OCA2: variants seen among roughly 807,000 people sequenced by gnomAD.
OCA2 encodes the protein OCA2 melanosomal transmembrane protein.
In OCA2, 77 loss-of-function variants were observed where a neutral mutation model predicts 100.2. The observed-to-expected ratio is 0.77, with a 90% CI of 0.64 to 0.93. The LOEUF (loss-of-function observed/expected upper bound fraction) is 0.93, where lower values mean the gene tolerates loss of function less well. OCA2 is among the 40% of genes least tolerant of loss of function. OCA2 has a pLI of 0.00. For synonymous variants in OCA2, 432 were observed against 439.2 expected (o/e 0.98, Z 0.21); for missense variants, 1,062 against 1,089.1 (o/e 0.98, Z 0.35).
chr15:27,813,990 A>G (rs1485529312), intron 23 of OCA2, among the ~76,000 whole-genome samples: 1 of 152,254 alleles, frequency 6.6e-6, no homozygotes, highest in Non-Finnish European at 1.5e-5. Flanking sequence ...AAGATCAAAC[A>G]GGGTAATTGG....
intron 23 of OCA2, among the ~76,000 whole-genome samples, chr15:27,779,136 T>C (rs1286937715): frequency 6.6e-6 from 1 of 152,252 alleles, no homozygotes; most frequent in Admixed American, 6.5e-5. Context: ...GAAAAGATCC[T>C]TGGTATGATT....
At chr15:27,858,557 A>G (rs1294671282) in intron 21 of OCA2, among the ~76,000 whole-genome samples, 1 of 152,154 alleles carries the variant, frequency 6.6e-6, no homozygotes, top group Non-Finnish European at 1.5e-5. Context: ...AGGTGGGTAC[A>G]TTATTGTCAG....
chr15:27,934,319 C>T (rs1251384835), intron 18 of OCA2, among the ~76,000 whole-genome samples: 2 of 152,102 alleles, frequency 1.3e-5, no homozygotes, highest in Non-Finnish European at 1.5e-5. Flanking sequence ...GGCCTAATTT[C>T]TACTTATGTT....
At chr15:27,954,716 A>C (rs2040159766) in intron 17 of OCA2, among the ~76,000 whole-genome samples, 1 of 151,710 alleles carries the variant, frequency 6.6e-6, no homozygotes, top group African/African-American at 2.4e-5. Context: ...ACAAAACAAA[A>C]GAAAACAAGC....
chr15:27,961,560 C>A (rs1272715189), intron 15 of OCA2, among the ~76,000 whole-genome samples: 1 of 152,190 alleles, frequency 6.6e-6, no homozygotes, highest in Non-Finnish European at 1.5e-5. Flanking sequence ...AAATGCCCAT[C>A]AATGACAGAC....
intron 14 of OCA2, among the ~76,000 whole-genome samples, chr15:27,980,845 T>C (rs957002141): frequency 5.9e-5 from 9 of 152,230 alleles, no homozygotes; most frequent in African/African-American, 2.2e-4. Context: ...TTATGATGTG[T>C]CTTACTGTAG....
intron 15 of OCA2, among the ~76,000 whole-genome samples, chr15:27,965,737 G>A (rs978149037): frequency 1.3e-5 from 2 of 152,192 alleles, no homozygotes; most frequent in Admixed American, 6.5e-5. Flanking sequence ...AGCTCTGGTC[G>A]CCTGATGCCC....
intron 23 of OCA2, among the ~76,000 whole-genome samples, chr15:27,777,793 G>A (rs1378113306): frequency 6.6e-6 from 1 of 152,186 alleles, no homozygotes; most frequent in African/African-American, 2.4e-5. Context: ...CTGGAGGGTA[G>A]GATGCTGCAC....
chr15:28,028,123 C>G lies in OCA2; in HGVS notation c.327-64G>C, dbSNP rs921725693. The G allele has an allele frequency of 8.9e-6, 14 of 1,575,556 alleles. No homozygotes were observed. The African/African-American group carries it at 1.8e-4, about 20-fold the overall frequency. On this transcript the variant is annotated intron_variant, in intron 3 of 23. Transcript: ENST00000354638. ...AGTAATGGCTACAAAGCAAGCTTTCCTCTGAGTTCTGACTGTGTGAAATGG... is the reference window on the plus strand; with the variant it reads ...AGTAATGGCTACAAAGCAAGCTTTCGTCTGAGTTCTGACTGTGTGAAATGG...
intron 2 of OCA2, among the ~76,000 whole-genome samples, chr15:28,054,191 T>C (rs1193261179): frequency 2.6e-5 from 4 of 151,988 alleles, no homozygotes; most frequent in Non-Finnish European, 4.4e-5. Context: ...TATGGGTATG[T>C]GTGCACACAT....
intron 2 of OCA2, among the ~76,000 whole-genome samples, chr15:28,037,387 T>C (rs2043076620): frequency 6.6e-6 from 1 of 152,052 alleles, no homozygotes; most frequent in Non-Finnish European, 1.5e-5. Context: ...AATGAGGCCT[T>C]CTCTGTAACA....
chr15:27,913,130 T>C lies in OCA2; in HGVS notation c.2079+12997A>G, dbSNP rs143569976. 2.7e-4 allele frequency among the ~76,000 whole-genome samples: 41 copies of C among 152,298 alleles called. No homozygotes were observed. In the East Asian group the frequency reaches 7.7e-3, roughly 29 times the overall value. Reference sequence around the variant, plus strand: ...GAAATGTGGGATTCTGGATAGAATATTGGACAGAAAAAAAGTCATTAGGAA... The same window carrying C: ...GAAATGTGGGATTCTGGATAGAATACTGGACAGAAAAAAAGTCATTAGGAA... On this transcript the variant is annotated intron_variant, in intron 19 of 23. Coordinates refer to ENST00000354638, the MANE Select transcript of OCA2 (RefSeq NM_000275.3).
At chr15:28,009,098 GC>G (rs980755091) in intron 9 of OCA2, among the ~76,000 whole-genome samples, 12 of 152,202 alleles carry the variant, frequency 7.9e-5, no homozygotes, top group Non-Finnish European at 1.6e-4. Flanking sequence ...ATTGCATCCA[GC>G]CCTCCCCTCA....
chr15:27,888,933 G>C (rs2037343428), intron 19 of OCA2, among the ~76,000 whole-genome samples: 1 of 152,144 alleles, frequency 6.6e-6, no homozygotes, highest in Non-Finnish European at 1.5e-5. Context: ...CTTCCCTCAT[G>C]TGAGGAAGCA....
Position 27,831,774 on chromosome 15 carries a change from G to T in OCA2, c.2432+13185C>A, listed in dbSNP as rs574017711. ...ACAGCCTGGCTCCTGTTGCCTCCGA[G>T]GCCCAGCTAGACACTGCCCATCCAG... On this transcript the variant is annotated intron_variant, in intron 23 of 23. Coordinates refer to ENST00000354638, the MANE Select transcript of OCA2 (RefSeq NM_000275.3). 1.4e-4 allele frequency among the ~76,000 whole-genome samples: 22 copies of T among 152,316 alleles called. No homozygotes were observed. In the South Asian group the frequency reaches 2.7e-3, roughly 19 times the overall value.
At chr15:27,753,557 C>T (rs2030148544), downstream of OCA2, among the ~76,000 whole-genome samples, 1 of 151,978 alleles carries the variant, frequency 6.6e-6, no homozygotes, top group Admixed American at 6.6e-5. Context: ...CACAGTGAAA[C>T]CCCGTGTCTA....
At chr15:27,907,493 G>T (rs1272362673) in intron 19 of OCA2, among the ~76,000 whole-genome samples, 1 of 151,974 alleles carries the variant, frequency 6.6e-6, no homozygotes, top group Admixed American at 6.6e-5. Context: ...ATAAAGGAGG[G>T]AGATAATGAA....
At chr15:28,034,482 T>C (rs1008246884) in intron 2 of OCA2, among the ~76,000 whole-genome samples, 2 of 152,168 alleles carry the variant, frequency 1.3e-5, no homozygotes, top group Non-Finnish European at 2.9e-5. Context: ...TCTTAATAAA[T>C]ACTCAATAAT....
intron 23 of OCA2, among the ~76,000 whole-genome samples, chr15:27,778,424 C>T (rs533258133): frequency 1.3e-5 from 2 of 152,324 alleles, no homozygotes; most frequent in Admixed American, 1.3e-4. Flanking sequence ...GGTGAGGTCA[C>T]TCCGAGAGGA....
Sources: gnomAD v4.1 joint callset for allele counts (sites outside exome capture counted in the v4.1 genomes callset) on GRCh38, gnomAD v4.1.1 for gene constraint, MANE v1.5 for transcripts, NCBI Gene and HGNC (gene_info 2026-07-23, HGNC 2026-07-21) for gene names.